Variants in BICD2 observed in about 807,000 individuals in gnomAD.
The protein encoded by BICD2 is protein bicaudal D homolog 2.
BICD2 carries 25 observed loss-of-function variants against 72.9 expected under a neutral mutation model. That is an observed-to-expected ratio of 0.34 (90% CI 0.25 to 0.48). BICD2 has a LOEUF of 0.48. Among genes scored for constraint, BICD2 ranks in the 20% least tolerant of loss-of-function variants. The probability of loss-of-function intolerance (pLI) is 0.99; values close to 1 mark genes in which losing one functional copy is unlikely to be tolerated. For synonymous variants in BICD2, 501 were observed against 516.1 expected (o/e 0.97, Z 0.40); for missense variants, 894 against 1,175.2 (o/e 0.76, Z 3.50).
chr9:92,764,373 C>T lies in BICD2; in HGVS notation c.240+132G>A. The T allele has an allele frequency of 3.2e-6, 4 of 1,261,612 alleles. No individual in the cohort carries two copies. Among genetic ancestry groups the T allele is most frequent in the African/African-American group, 1.6e-5 (1 of 62,826 alleles). 78.2% of individuals were successfully genotyped at this position (1,261,612 alleles called of 1,614,324 possible). A position where few individuals can be genotyped will look rare whatever the true frequency, so the allele number is the denominator to read the frequency against. On this transcript the variant is annotated intron_variant, in intron 1 of 6. Coordinates refer to ENST00000356884, the MANE Select transcript of BICD2 (RefSeq NM_001003800.2). The surrounding 1 kb of genome is among the most constrained non-coding windows in gnomAD (Gnocchi z 5.5). ...GCCCACTCCCACATACTGCCCGTGC[C>T]CCCTCCGCCCCGGCGGCCCACCCCT...
rs145660955 is a variant in BICD2, at chr9:92,733,827, C to T, written c.241-4591G>A. Among the ~76,000 whole-genome samples, 268 of 152,102 alleles carry T rather than the reference C, an allele frequency of 1.8e-3. 4 individuals are homozygous for T. In the East Asian group the frequency reaches 0.024, roughly 13 times the overall value. On this transcript the variant is annotated intron_variant, in intron 1 of 6. Coordinates refer to ENST00000356884, the MANE Select transcript of BICD2 (RefSeq NM_001003800.2). ...CTAAAAATACAAAAAATTAGCCAGG[C>T]GTGGCGGCGGGCGCCCGTAGTCCCA...
chr9:92,729,177 C>T lies in BICD2; in HGVS notation c.300G>A (p.Glu100=). The T allele has an allele frequency of 1.2e-6, 2 of 1,614,248 alleles. No homozygotes were observed. Among genetic ancestry groups the T allele is most frequent in the African/African-American group, 1.3e-5 (1 of 75,080 alleles). Reference sequence around the variant, plus strand: ...AGGCCGACTCCTGGATCAGGCTCTCCTCCCGGCTCTCTCCGTCAGCAGCCA... The same window carrying T: ...AGGCCGACTCCTGGATCAGGCTCTCTTCCCGGCTCTCTCCGTCAGCAGCCA... ...KKVAADGESR[E]ESLIQESASK... Residue 100 remains glutamate (E), a synonymous_variant, in exon 2 of 7, where the codon GAG becomes GAA. Transcript: ENST00000356884.
chr9:92,740,846 G>T (rs1395188608), intron 1 of BICD2, among the ~76,000 whole-genome samples: 1 of 152,146 alleles, frequency 6.6e-6, no homozygotes, highest in African/African-American at 2.4e-5. Flanking sequence ...CTGCATTGCT[G>T]GTTCCACCCC....
intron 1 of BICD2, among the ~76,000 whole-genome samples, chr9:92,730,984 C>T (rs1406778017): frequency 1.3e-5 from 2 of 152,230 alleles, no homozygotes; most frequent in Non-Finnish European, 2.9e-5. Context: ...ATCATAATGT[C>T]TACACAGCAC....
At chr9:92,718,378 G>A (rs976722310) in intron 5 of BICD2, among the ~76,000 whole-genome samples, 161 bp downstream of exon 5, 2 of 152,218 alleles carry the variant, frequency 1.3e-5, no homozygotes, top group South Asian at 4.1e-4. Context: ...TGGGGGCCCT[G>A]AGCAGGGGAG....
At chr9:92,746,496 C>T (rs1854016639) in intron 1 of BICD2, among the ~76,000 whole-genome samples, 1 of 149,558 alleles carries the variant, frequency 6.7e-6, no homozygotes, top group South Asian at 2.1e-4. Context: ...CACACCACTG[C>T]ACTCCAGCCT....
rs559840277 is a variant in BICD2 at position 92,712,170 on chromosome 9, A to G, written c.*2984T>C. The G allele has an allele frequency of 2.0e-5, 3 of 152,730 alleles. No individual in the cohort carries two copies. Among genetic ancestry groups the G allele is most frequent in the African/African-American group, 7.2e-5 (3 of 41,564 alleles). The allele number at this position is 152,730 out of a possible 1,614,324, so 9.5% of individuals were successfully genotyped here. ...ATACAGCTTGCTCAGCTTGTCCCAG[A>G]AGGTCCATTTGGTTCCCAAAGCACA... On this transcript the variant is annotated 3_prime_UTR_variant, in exon 7 of 7. Coordinates refer to ENST00000356884, the MANE Select transcript of BICD2 (RefSeq NM_001003800.2).
At chr9:92,732,677 CAAAA>C (rs1224974741) in intron 1 of BICD2, among the ~76,000 whole-genome samples, 1 of 151,998 alleles carries the variant, frequency 6.6e-6, no homozygotes, top group Non-Finnish European at 1.5e-5. Context: ...AACAACAAAA[CAAAA>C]AAACTTAACT....
intron 1 of BICD2, among the ~76,000 whole-genome samples, chr9:92,750,727 T>C (rs1185822561): frequency 2.6e-5 from 4 of 152,082 alleles, no homozygotes; most frequent in African/African-American, 9.7e-5. Context: ...TGCCACTGCA[T>C]TTATAAAAAC....
intron 1 of BICD2, among the ~76,000 whole-genome samples, chr9:92,761,867 G>A (rs1176723581): frequency 3.3e-5 from 5 of 152,170 alleles, no homozygotes; most frequent in Non-Finnish European, 7.3e-5. Flanking sequence ...AAATCAACCA[G>A]GGGGCACCCA....
chr9:92,743,355 CTTTTTTT>C (rs34165468), intron 1 of BICD2, among the ~76,000 whole-genome samples: 3 of 112,224 alleles, frequency 2.7e-5, no homozygotes, highest in African/African-American at 9.6e-5. Context: ...ACCATGCCAG[CTTTTTTT>C]TTTTTTTTTT....
Position 92,719,392 on chromosome 9 carries a change from C to T in BICD2, c.1253G>A (p.Ser418Asn). 6.2e-7 allele frequency: 1 copy of T among 1,614,214 alleles called. No individual in the cohort carries two copies. The highest frequency in any genetic ancestry group is 1.1e-5 in the South Asian group (1 of 91,086). The change falls in exon 5 of 7, where the codon AGC becomes AAC. Residue 418 changes from serine to asparagine, a missense_variant. Physicochemically the swap from Ser to Asn is conservative, Grantham distance 46 (BLOSUM62 1). Transcript: ENST00000356884. ...TALDNEKDRDSHEDGDYYEVD... is the reference protein window; with the variant it reads ...TALDNEKDRDNHEDGDYYEVD... ...CTCGTAGTAGTCCCCATCCTCATGGCTGTCACGGTCCTTCTCGTTGTCCAG... is the reference window on the plus strand; with the variant it reads ...CTCGTAGTAGTCCCCATCCTCATGGTTGTCACGGTCCTTCTCGTTGTCCAG...
intron 1 of BICD2, among the ~76,000 whole-genome samples, chr9:92,733,071 G>C (rs1853707014): frequency 6.6e-6 from 1 of 152,180 alleles, no homozygotes; most frequent in South Asian, 2.1e-4. Context: ...ATAACAACGT[G>C]AGAGAACTCA....
intron 2 of BICD2, among the ~76,000 whole-genome samples, chr9:92,723,874 A>C (rs1185440007): frequency 6.6e-6 from 1 of 152,178 alleles, no homozygotes; most frequent in Admixed American, 6.5e-5. Flanking sequence ...CCGCAGCCCT[A>C]GCAACATTCA....
chr9:92,729,481 C>T (rs972176044), intron 1 of BICD2, among the ~76,000 whole-genome samples: 1 of 152,256 alleles, frequency 6.6e-6, no homozygotes, highest in African/African-American at 2.4e-5. Flanking sequence ...AAAGCCTGGT[C>T]TCTGAGGAAC....
Position 92,720,882 on chromosome 9 carries a change from G to A in BICD2, c.607-127C>T, listed in dbSNP as rs1475407105. Reference sequence around the variant, plus strand: ...TGAAGCAAAAGATGAAGCGCCAGGTGAGGTGCCATCCTGGGAAGGGTGGCA... The same window carrying A: ...TGAAGCAAAAGATGAAGCGCCAGGTAAGGTGCCATCCTGGGAAGGGTGGCA... On this transcript the variant is annotated intron_variant, in intron 3 of 6. Transcript: ENST00000356884. This position sits in a 1 kb window ranked among gnomAD's most constrained non-coding sequence, Gnocchi z 5.4. 9.9e-7 allele frequency: 1 copy of A among 1,006,708 alleles called. No homozygotes were observed. Among genetic ancestry groups the A allele is most frequent in the Non-Finnish European group, 1.4e-6 (1 of 702,410 alleles). The allele number at this position is 1,006,708 out of a possible 1,614,324, so 62.4% of individuals were successfully genotyped here.
At chr9:92,753,151 T>G (rs555582592) in intron 1 of BICD2, among the ~76,000 whole-genome samples, 8 of 152,286 alleles carry the variant, frequency 5.3e-5, no homozygotes, top group African/African-American at 1.9e-4. Context: ...GTGAAAAACA[T>G]TCTACTAAAC....
chr9:92,728,740 T>A (rs572188406), intron 2 of BICD2, among the ~76,000 whole-genome samples: 1 of 152,366 alleles, frequency 6.6e-6, no homozygotes, highest in Non-Finnish European at 1.5e-5. Flanking sequence ...CCTCCCTGAC[T>A]GACCACTCCT....
At chr9:92,760,557 C>A (rs954101411) in intron 1 of BICD2, among the ~76,000 whole-genome samples, 1 of 152,216 alleles carries the variant, frequency 6.6e-6, no homozygotes, top group African/African-American at 2.4e-5. Flanking sequence ...TCCTTCATGA[C>A]CCCCTGCCCC....
Sources: allele counts gnomAD v4.1 joint callset (sites outside exome capture counted in the v4.1 genomes callset), GRCh38; gene constraint gnomAD v4.1.1; non-coding constraint Gnocchi (gnomAD v3.1); transcripts MANE v1.5; gene names NCBI Gene and HGNC (gene_info 2026-07-23, HGNC 2026-07-21).